Variants in MAGI2 observed in about 807,000 individuals in gnomAD.
MAGI2 encodes the protein membrane associated guanylate kinase, WW and PDZ domain containing 2, also known as membrane-associated guanylate kinase, WW and PDZ domain-containing protein 2.
MAGI2 carries 35 observed loss-of-function variants against 133.3 expected under a neutral mutation model. That is an observed-to-expected ratio of 0.26 (90% CI 0.20 to 0.35). The LOEUF (loss-of-function observed/expected upper bound fraction) is 0.35. MAGI2 is among the 10% of genes least tolerant of loss of function. The probability of loss-of-function intolerance (pLI) is 1.00; values close to 1 mark genes in which losing one functional copy is unlikely to be tolerated. For missense variants in MAGI2, 1,636 were observed against 1,863.4 expected (o/e 0.88, Z 2.25); for synonymous variants, 729 against 710.6 (o/e 1.03, Z -0.41).
intron 1 of MAGI2, chr7:79,412,292 G>A (rs1846197455): frequency 6.6e-6 from 1 of 152,114 alleles, no homozygotes; most frequent in Non-Finnish European, 1.5e-5. Context: ...GTCGTATGGA[G>A]CAATTTCACT....
intron 4 of MAGI2, among the ~76,000 whole-genome samples, chr7:78,506,332 T>G (rs926754475): frequency 6.6e-6 from 1 of 152,080 alleles, no homozygotes; most frequent in Non-Finnish European, 1.5e-5. Flanking sequence ...TTGGGCACAC[T>G]GAGTTAGAGG....
chr7:78,654,176 A>T (rs1373406667), intron 2 of MAGI2, among the ~76,000 whole-genome samples: 1 of 152,192 alleles, frequency 6.6e-6, no homozygotes. Flanking sequence ...CTGCCTGGGT[A>T]CAAACCCTGG....
chr7:78,837,299 A>T (rs980198248), intron 2 of MAGI2, among the ~76,000 whole-genome samples: 2 of 152,152 alleles, frequency 1.3e-5, no homozygotes, highest in African/African-American at 4.8e-5. Context: ...AGTCGTCTTT[A>T]AGCCTATCCT....
At chr7:79,288,626 T>C (rs1285080455) in intron 1 of MAGI2, among the ~76,000 whole-genome samples, 1 of 152,136 alleles carries the variant, frequency 6.6e-6, no homozygotes, top group Admixed American at 6.6e-5. Flanking sequence ...TACCAACTGG[T>C]AACTATCCGT....
In MAGI2 at chr7:79,195,133, C is replaced by A. The variant is rs77468878; in HGVS notation, c.302-187927G>T. Among the ~76,000 whole-genome samples the A allele has an allele frequency of 8.5e-3, 1,291 of 152,056 alleles. 29 individuals carry two copies. Among genetic ancestry groups the A allele is most frequent in the African/African-American group, 0.029 (1,217 of 41,406 alleles). ...TAAAATTAACAACTGTCATTCTTGA[C>A]TGACACAAAGAGACGATGTGGTCAC... is the stretch of plus-strand genomic sequence containing the variant. On this transcript the variant is annotated intron_variant, in intron 1 of 21. Coordinates refer to ENST00000354212, the MANE Select transcript of MAGI2 (RefSeq NM_012301.4).
chr7:78,596,594 A>G (rs1472401862), intron 3 of MAGI2, among the ~76,000 whole-genome samples: 1 of 152,122 alleles, frequency 6.6e-6, no homozygotes, highest in Non-Finnish European at 1.5e-5. Context: ...CTCTGTATTA[A>G]TTAGGTCCAC....
intron 1 of MAGI2, among the ~76,000 whole-genome samples, chr7:79,234,126 A>C (rs1267119849): frequency 3.6e-5 from 5 of 137,796 alleles, no homozygotes; most frequent in Admixed American, 2.9e-4. Flanking sequence ...ATTGGCCCCC[A>C]CTCTCTTCTG....
intron 2 of MAGI2, among the ~76,000 whole-genome samples, chr7:78,715,617 G>A (rs73702963): frequency 0.013 from 2,005 of 152,218 alleles, 44 homozygotes; most frequent in African/African-American, 0.046. Context: ...CACAAATATA[G>A]TAAATGATTA....
chr7:78,653,609 G>A (rs1385393316), intron 2 of MAGI2, among the ~76,000 whole-genome samples: 3 of 151,934 alleles, frequency 2.0e-5, no homozygotes, highest in Admixed American at 2.0e-4. Context: ...ACAGGGAGGG[G>A]GACATCACAC....
At chr7:78,822,817 T>C (rs1790242969) in intron 2 of MAGI2, among the ~76,000 whole-genome samples, 1 of 152,164 alleles carries the variant, frequency 6.6e-6, no homozygotes, top group South Asian at 2.1e-4. Context: ...TCTTGTAACT[T>C]TGTAAGTCAA....
chr7:79,254,108 T>C (rs572978525), intron 1 of MAGI2, among the ~76,000 whole-genome samples: 2 of 147,078 alleles, frequency 1.4e-5, no homozygotes, highest in African/African-American at 5.1e-5. Flanking sequence ...GAAAGTGATA[T>C]CTTGGTGTTA....
chr7:78,424,657 C>T (rs531907180), intron 6 of MAGI2, among the ~76,000 whole-genome samples: 7 of 152,252 alleles, frequency 4.6e-5, no homozygotes, highest in East Asian at 1.9e-4. Context: ...TGCCCAAGAC[C>T]GTGGGAACCC....
intron 20 of MAGI2, among the ~76,000 whole-genome samples, chr7:78,092,536 A>G (rs1434858212): frequency 6.6e-6 from 1 of 152,228 alleles, no homozygotes; most frequent in Non-Finnish European, 1.5e-5. Flanking sequence ...GAGCTATGAA[A>G]TTGGGCAGCA....
intron 21 of MAGI2, 89 bp downstream of exon 21, chr7:78,078,858 G>A: frequency 6.9e-7 from 1 of 1,447,162 alleles, no homozygotes; most frequent in South Asian, 1.1e-5. Flanking sequence ...AGGTAGAAGT[G>A]GAGAACTGAT....
At chr7:78,842,197 G>A (rs1792203245) in intron 2 of MAGI2, among the ~76,000 whole-genome samples, 1 of 152,014 alleles carries the variant, frequency 6.6e-6, no homozygotes, top group Non-Finnish European at 1.5e-5. Flanking sequence ...CAAAATTTCA[G>A]TTACTATGAA....
chr7:78,876,801 T>C (rs1389625150), intron 2 of MAGI2, among the ~76,000 whole-genome samples: 2 of 152,232 alleles, frequency 1.3e-5, no homozygotes, highest in East Asian at 1.9e-4. Flanking sequence ...CTAAAGGCTA[T>C]GGAATTTTGC....
chr7:78,052,881 G>A (rs1257980191), intron 21 of MAGI2, among the ~76,000 whole-genome samples: 1 of 151,868 alleles, frequency 6.6e-6, no homozygotes, highest in Admixed American at 6.6e-5. Context: ...TAAAGTAGTG[G>A]AAAAATTAGA....
At chr7:78,322,274 G>A (rs1159020526) in intron 9 of MAGI2, among the ~76,000 whole-genome samples, 1 of 152,106 alleles carries the variant, frequency 6.6e-6, no homozygotes, top group Non-Finnish European at 1.5e-5. Context: ...ACACCCAAAG[G>A]ATTATAAATC....
intron 1 of MAGI2, among the ~76,000 whole-genome samples, chr7:79,222,482 G>A (rs1830513138): frequency 6.6e-6 from 1 of 152,012 alleles, no homozygotes; most frequent in African/African-American, 2.4e-5. Flanking sequence ...AGAACACCTA[G>A]TTTAACCTTT....
Sources: gnomAD v4.1 joint callset for allele counts (sites outside exome capture counted in the v4.1 genomes callset) on GRCh38, gnomAD v4.1.1 for gene constraint, MANE v1.5 for transcripts, NCBI Gene and HGNC (gene_info 2026-07-23, HGNC 2026-07-21) for gene names.